Variants in BCAS4 observed in about 807,000 individuals in gnomAD.
BCAS4 encodes the protein breast carcinoma-amplified sequence 4.
Under a neutral mutation model 15.7 loss-of-function variants are expected in BCAS4, and 9 were observed. That is an observed-to-expected ratio of 0.57 (90% CI 0.34 to 1.00). The LOEUF (loss-of-function observed/expected upper bound fraction) is 1.00. Ranked by LOEUF, BCAS4 falls within the 50% of genes least tolerant of loss-of-function variation. The pLI, the probability that BCAS4 is intolerant of heterozygous loss-of-function variation, is 0.02. For missense variants in BCAS4, 225 were observed against 239.1 expected (o/e 0.94, Z 0.39); for synonymous variants, 101 against 99.5 (o/e 1.02, Z -0.09).
chr20:50,823,703 G>T (rs574422459), intron 2 of BCAS4, among the ~76,000 whole-genome samples: 2 of 152,234 alleles, frequency 1.3e-5, no homozygotes, highest in South Asian at 4.2e-4. Context: ...CTTGACACAA[G>T]AATACATTCT....
intron 1 of BCAS4, among the ~76,000 whole-genome samples, chr20:50,802,801 G>A (rs1025071827): frequency 2.6e-5 from 4 of 151,950 alleles, no homozygotes; most frequent in African/African-American, 9.7e-5. Flanking sequence ...TTGAACCCGG[G>A]AGGCAGAGTT....
At chr20:50,838,355 T>G (rs560305264) in intron 3 of BCAS4, among the ~76,000 whole-genome samples, 10 of 152,246 alleles carry the variant, frequency 6.6e-5, no homozygotes, top group Admixed American at 5.9e-4. Flanking sequence ...GGAATCTGGG[T>G]GGCTCCAGAG....
At chr20:50,834,292 CTTTTTTTTT>C (rs74175526) in intron 3 of BCAS4, among the ~76,000 whole-genome samples, 1 of 121,086 alleles carries the variant, frequency 8.3e-6, no homozygotes, top group African/African-American at 3.3e-5. Flanking sequence ...TCGAACTCTT[CTTTTTTTTT>C]TTTTTTTTTT....
In BCAS4 at chr20:50,851,773, A is replaced by G. The variant is rs1482679019; in HGVS notation, c.399+9873A>G. ...CCCTGGAAAACCCTTCCCGCTCCCC[A>G]CCTGGCAATGTTCATTATTGTTCAA... On this transcript the variant is annotated intron_variant, in intron 4 of 4. Coordinates refer to ENST00000371608, the MANE Select transcript of BCAS4 (RefSeq NM_198799.4). The surrounding 1 kb of genome is among the most constrained non-coding windows in gnomAD (Gnocchi z 4.3). Among the ~76,000 whole-genome samples the G allele has an allele frequency of 6.6e-6, 1 of 151,872 alleles. No homozygotes were observed. The highest frequency in any genetic ancestry group is 1.5e-5 in the Non-Finnish European group (1 of 67,968).
chr20:50,866,016 G>A (rs148866846), intron 4 of BCAS4, among the ~76,000 whole-genome samples: 41 of 152,260 alleles, frequency 2.7e-4, no homozygotes, highest in African/African-American at 8.9e-4. Flanking sequence ...CCTGGGGGCC[G>A]GCGGTAGTGG....
intron 4 of BCAS4, among the ~76,000 whole-genome samples, chr20:50,848,490 G>T (rs2088574191): frequency 6.6e-6 from 1 of 152,234 alleles, no homozygotes. Context: ...ATGAGCCAGG[G>T]CAGAGTGGAG....
At chr20:50,838,852 C>A (rs937526071) in intron 3 of BCAS4, among the ~76,000 whole-genome samples, 2 of 151,780 alleles carry the variant, frequency 1.3e-5, no homozygotes, top group Non-Finnish European at 2.9e-5. Context: ...TTAAAAAAAA[C>A]AAAACAAACA....
chr20:50,795,258 C>A, intron 1 of BCAS4, 85 bp downstream of exon 1: 1 of 1,195,000 alleles, frequency 8.4e-7, no homozygotes, highest in Non-Finnish European at 1.1e-6. Flanking sequence ...CCCGGAGCAT[C>A]CTCTCGCTCC....
At chr20:50,842,653 G>C (rs1244411307) in intron 4 of BCAS4, among the ~76,000 whole-genome samples, 1 of 152,136 alleles carries the variant, frequency 6.6e-6, no homozygotes, top group African/African-American at 2.4e-5. Flanking sequence ...CCTGACCTCA[G>C]GTGATCCACC....
In BCAS4 at chr20:50,800,333, T is replaced by G. The variant is rs542887784; in HGVS notation, c.90+5160T>G. Among the ~76,000 whole-genome samples the G allele has an allele frequency of 1.4e-4, 21 of 151,638 alleles. No homozygotes were observed. In the South Asian group the frequency reaches 4.2e-3, roughly 30 times the overall value. On this transcript the variant is annotated intron_variant, in intron 1 of 4. Coordinates refer to ENST00000371608, the MANE Select transcript of BCAS4 (RefSeq NM_198799.4). ...CCTGGGATGGGATGAAGCAGGGGGT[T>G]TTTGGGGGATGGAGAGAAGAGCAGC...
intron 1 of BCAS4, among the ~76,000 whole-genome samples, chr20:50,811,319 C>G (rs1209020242): frequency 6.6e-6 from 1 of 152,066 alleles, no homozygotes; most frequent in Admixed American, 6.6e-5. Context: ...GAGCTATGGT[C>G]CCACCACTGC....
intron 4 of BCAS4, among the ~76,000 whole-genome samples, chr20:50,872,263 C>CAA (rs71192504): frequency 0.26 from 16,150 of 62,764 alleles, 1,890 homozygotes; most frequent in African/African-American, 0.32. Flanking sequence ...GACTCTGTCT[C>CAA]AAAAAAAAAA....
chr20:50,811,699 T>C (rs570026027), intron 1 of BCAS4, among the ~76,000 whole-genome samples: 1 of 152,342 alleles, frequency 6.6e-6, no homozygotes, highest in South Asian at 2.1e-4. Flanking sequence ...CTTGGCTTAC[T>C]GCAACCTCCA....
intron 1 of BCAS4, among the ~76,000 whole-genome samples, chr20:50,816,103 G>A (rs958068298): frequency 1.4e-5 from 2 of 139,440 alleles, no homozygotes; most frequent in Admixed American, 7.5e-5. Flanking sequence ...TTGGCTCACC[G>A]CAACCTCCTC....
intron 4 of BCAS4, among the ~76,000 whole-genome samples, chr20:50,863,876 G>A (rs921970981): frequency 3.9e-5 from 6 of 151,910 alleles, no homozygotes; most frequent in Non-Finnish European, 8.8e-5. Flanking sequence ...GGCTACGAAG[G>A]ACTCTTCCAT....
At chr20:50,831,524 C>G (rs977384946) in intron 3 of BCAS4, among the ~76,000 whole-genome samples, 1 of 152,194 alleles carries the variant, frequency 6.6e-6, no homozygotes, top group Non-Finnish European at 1.5e-5. Context: ...GCTGACGTAG[C>G]TCACCCATCT....
chr20:50,857,907 C>T (rs574268731), intron 4 of BCAS4, among the ~76,000 whole-genome samples: 1 of 152,264 alleles, frequency 6.6e-6, no homozygotes, highest in South Asian at 2.1e-4. Flanking sequence ...TCTCCTCTTT[C>T]CCTCTGTCTC....
At chr20:50,873,018 G>A (rs1429512351) in intron 4 of BCAS4, among the ~76,000 whole-genome samples, 5 of 152,220 alleles carry the variant, frequency 3.3e-5, no homozygotes, top group Admixed American at 2.0e-4. Flanking sequence ...GCCAGACACC[G>A]ACAGAGCTTG....
chr20:50,807,437 G>A (rs920719732), intron 1 of BCAS4, among the ~76,000 whole-genome samples: 3 of 152,136 alleles, frequency 2.0e-5, no homozygotes, highest in African/African-American at 2.4e-5. Flanking sequence ...CAAGTGATCT[G>A]CCTGCCTCAG....
Sources: allele counts gnomAD v4.1 joint callset (sites outside exome capture counted in the v4.1 genomes callset), GRCh38; gene constraint gnomAD v4.1.1; non-coding constraint Gnocchi (gnomAD v3.1); transcripts MANE v1.5; gene names NCBI Gene and HGNC (gene_info 2026-07-23, HGNC 2026-07-21).